Variants in XKR6 observed in about 807,000 individuals in gnomAD.
The protein encoded by XKR6 is XK related 6, also known as XK-related protein 6.
Under a neutral mutation model 56.7 loss-of-function variants are expected in XKR6, and 22 were observed. That is an observed-to-expected ratio of 0.39 (90% CI 0.28 to 0.55). XKR6 has a LOEUF of 0.55. Among genes scored for constraint, XKR6 ranks in the 20% least tolerant of loss-of-function variants. The pLI is 0.66. For missense variants in XKR6, 852 were observed against 889.0 expected (o/e 0.96, Z 0.53); for synonymous variants, 524 against 387.8 (o/e 1.35, Z -4.13).
At chr8:11,024,212 T>TGG (rs145623805) in intron 1 of XKR6, among the ~76,000 whole-genome samples, 2 of 68,298 alleles carry the variant, frequency 2.9e-5, no homozygotes, top group Non-Finnish European at 6.6e-5. Context: ...GAGGTGTGTG[T>TGG]GTGTGTGTGT....
chr8:11,143,213 C>A (rs1187680412), intron 1 of XKR6, among the ~76,000 whole-genome samples: 1 of 152,050 alleles, frequency 6.6e-6, no homozygotes, highest in Non-Finnish European at 1.5e-5. Context: ...AGAGTGAAAA[C>A]CAGACGATAC....
intron 1 of XKR6, among the ~76,000 whole-genome samples, chr8:11,075,280 G>A (rs770791807): frequency 1.1e-4 from 17 of 152,194 alleles, no homozygotes; most frequent in Non-Finnish European, 8.8e-5. Context: ...ATGGGGCACC[G>A]ACAAAGAGCC....
intron 1 of XKR6, chr8:11,109,362 C>A (rs529975616): frequency 6.6e-6 from 1 of 152,294 alleles, no homozygotes; most frequent in East Asian, 1.9e-4. Context: ...ATCTAATATA[C>A]TTATTTTTAG....
intron 1 of XKR6, chr8:11,128,946 C>T (rs1448348025): frequency 2.0e-5 from 9 of 456,546 alleles, no homozygotes; most frequent in South Asian, 6.2e-5. Context: ...AATAAAGCAG[C>T]CAGAAAGTCT....
At chr8:10,948,053 T>C (rs1039385041) in intron 1 of XKR6, among the ~76,000 whole-genome samples, 4 of 152,146 alleles carry the variant, frequency 2.6e-5, no homozygotes, top group African/African-American at 9.7e-5. Context: ...ACAGCCACCT[T>C]TCCCTCAGAG....
chr8:11,072,373 C>T (rs1348292611), intron 1 of XKR6, among the ~76,000 whole-genome samples: 2 of 151,730 alleles, frequency 1.3e-5, no homozygotes, highest in African/African-American at 4.8e-5. Flanking sequence ...CAGGGCTCCA[C>T]CCCCTCTCTG....
chr8:11,107,072 G>A (rs1163775767), intron 1 of XKR6, among the ~76,000 whole-genome samples: 1 of 151,960 alleles, frequency 6.6e-6, no homozygotes, highest in East Asian at 1.9e-4. Context: ...GGAACAAACT[G>A]TGATGCTTCT....
At chr8:10,973,777 G>A (rs1362042907) in intron 1 of XKR6, among the ~76,000 whole-genome samples, 1 of 152,016 alleles carries the variant, frequency 6.6e-6, no homozygotes, top group African/African-American at 2.4e-5. Flanking sequence ...TAGAAACGGG[G>A]TTTCACCATG....
chr8:11,101,831 G>C (rs748114571), intron 1 of XKR6, among the ~76,000 whole-genome samples: 3 of 151,972 alleles, frequency 2.0e-5, no homozygotes, highest in African/African-American at 4.8e-5. Flanking sequence ...GTCCTCCTAA[G>C]CCCTTTAGGG....
chr8:11,029,175 C>T (rs774057416), intron 1 of XKR6, among the ~76,000 whole-genome samples: 1 of 152,068 alleles, frequency 6.6e-6, no homozygotes, highest in Admixed American at 6.5e-5. Flanking sequence ...CCTCCCAGGC[C>T]CCTTCACTCT....
chr8:11,008,410 TC>T (rs1798422244), intron 1 of XKR6, among the ~76,000 whole-genome samples: 1 of 127,146 alleles, frequency 7.9e-6, no homozygotes, highest in Non-Finnish European at 1.7e-5. Flanking sequence ...TAAAGGGGGC[TC>T]CCCAGGCTTT....
intron 1 of XKR6, among the ~76,000 whole-genome samples, chr8:11,131,408 C>A (rs959674886): frequency 3.3e-5 from 5 of 151,834 alleles, no homozygotes; most frequent in African/African-American, 1.2e-4. Flanking sequence ...ATGATGAAAT[C>A]ATTTTTTTTG....
chr8:11,129,263 T>C (rs929678428), intron 1 of XKR6, among the ~76,000 whole-genome samples: 1 of 152,206 alleles, frequency 6.6e-6, no homozygotes, highest in African/African-American at 2.4e-5. Context: ...GTTATGTGAA[T>C]TTCACCTCAA....
chr8:10,926,608 C>T (rs1293004440), intron 1 of XKR6, among the ~76,000 whole-genome samples: 3 of 152,238 alleles, frequency 2.0e-5, no homozygotes, highest in East Asian at 1.9e-4. Flanking sequence ...GGCACCAGGC[C>T]CCCCAGGCCA....
At chr8:11,134,322 C>G (rs944998991) in intron 1 of XKR6, among the ~76,000 whole-genome samples, 4 of 152,164 alleles carry the variant, frequency 2.6e-5, no homozygotes, top group Non-Finnish European at 5.9e-5. Flanking sequence ...AAAACAAAGA[C>G]TTCTGTCATA....
At chr8:11,150,900 T>G (rs1801238470) in intron 1 of XKR6, among the ~76,000 whole-genome samples, 1 of 151,784 alleles carries the variant, frequency 6.6e-6, no homozygotes, top group Non-Finnish European at 1.5e-5. Flanking sequence ...TGAAATCAGT[T>G]ATTTTTTTCT....
chr8:11,180,585 A>G (rs1454984119), intron 1 of XKR6, among the ~76,000 whole-genome samples: 1 of 152,222 alleles, frequency 6.6e-6, no homozygotes, highest in African/African-American at 2.4e-5. Context: ...AGTACAGGGC[A>G]GGAGAAGGAT....
At chr8:10,955,586 C>A (rs1201803255) in intron 1 of XKR6, among the ~76,000 whole-genome samples, 1 of 152,180 alleles carries the variant, frequency 6.6e-6, no homozygotes, top group South Asian at 2.1e-4. Context: ...TTCATAGTCC[C>A]ATTTTACAGA....
At chr8:11,079,450 TG>T (rs986687082) in intron 1 of XKR6, among the ~76,000 whole-genome samples, 1 of 152,248 alleles carries the variant, frequency 6.6e-6, no homozygotes, top group Non-Finnish European at 1.5e-5. Flanking sequence ...ATCCCATTTT[TG>T]TAAAATAAAA....
Sources: allele counts gnomAD v4.1 joint callset (sites outside exome capture counted in the v4.1 genomes callset), GRCh38; gene constraint gnomAD v4.1.1; transcripts MANE v1.5; gene names NCBI Gene and HGNC (gene_info 2026-07-23, HGNC 2026-07-21).